Variants in NAV2 observed in about 807,000 individuals in gnomAD.
NAV2 encodes the protein helicase, APC down-regulated 1.
NAV2 carries 54 observed loss-of-function variants against 223.2 expected under a neutral mutation model. The ratio of observed to expected loss-of-function variants is 0.24; its 90% CI spans 0.19 to 0.30. NAV2 has a LOEUF of 0.30. NAV2 is among the 10% of genes least tolerant of loss of function. The pLI, the probability that NAV2 is intolerant of heterozygous loss-of-function variation, is 1.00. For missense variants in NAV2, 2,806 were observed against 3,147.5 expected, an observed-to-expected ratio of 0.89 and a Z score of 2.60; for synonymous variants, 1,279 against 1,239.3, an observed-to-expected ratio of 1.03 and a Z score of -0.67.
chr11:19,668,225 C>T (rs148465265), intron 1 of NAV2, among the ~76,000 whole-genome samples: 7 of 152,248 alleles, frequency 4.6e-5, no homozygotes, highest in Admixed American at 3.3e-4. Context: ...GAAACATTGT[C>T]GCCATCAATT....
At chr11:19,690,229 T>TG (rs1256890934) in intron 1 of NAV2, among the ~76,000 whole-genome samples, 5 of 152,220 alleles carry the variant, frequency 3.3e-5, no homozygotes, top group Admixed American at 1.3e-4. Flanking sequence ...CCCAAAGTGC[T>TG]GGAATTACAG....
chr11:19,523,014 A>G (rs1023133704), intron 1 of NAV2, among the ~76,000 whole-genome samples: 3 of 152,112 alleles, frequency 2.0e-5, no homozygotes, highest in African/African-American at 7.2e-5. Context: ...TAAGCACTCG[A>G]CTCATTATCT....
intron 1 of NAV2, among the ~76,000 whole-genome samples, chr11:19,492,266 AC>A (rs2042654977): frequency 6.6e-6 from 1 of 151,888 alleles, no homozygotes; most frequent in Non-Finnish European, 1.5e-5. Context: ...GGTTGCCACA[AC>A]CTTTCAATTT....
intron 6 of NAV2, among the ~76,000 whole-genome samples, chr11:19,919,637 T>A (rs1443119): frequency 2.6e-5 from 4 of 152,224 alleles, no homozygotes; most frequent in Admixed American, 2.6e-4. Context: ...GGTCCCATCT[T>A]GCTTATGAAA....
At chr11:19,795,154 A>T (rs961637390) in intron 1 of NAV2, among the ~76,000 whole-genome samples, 1 of 152,176 alleles carries the variant, frequency 6.6e-6, no homozygotes, top group African/African-American at 2.4e-5. Context: ...GTAAGACCAA[A>T]CTATTCCCAA....
rs370994356 is a variant in NAV2 at position 20,051,340 on chromosome 11, G to A, written c.4481+7G>A. ...TGCCTAAGAAAGGACTCAGGTATCT[G>A]TGTTTCCTCCTTGCATCTGTGCCAT... On this transcript the variant is annotated splice_region_variant and intron_variant, in intron 17 of 37. Coordinates refer to ENST00000349880, the MANE Select transcript of NAV2 (RefSeq NM_145117.5). 3.7e-6 allele frequency: 6 copies of A among 1,613,800 alleles called. No homozygotes were observed. The African/African-American group carries it at 5.3e-5, about 14-fold the overall frequency.
At chr11:19,458,891 A>G (rs1228179179) in intron 1 of NAV2, among the ~76,000 whole-genome samples, 1 of 152,214 alleles carries the variant, frequency 6.6e-6, no homozygotes, top group East Asian at 1.9e-4. Flanking sequence ...TCAAATCCCA[A>G]TCTGCCACCA....
At chr11:20,081,700 A>C (rs76017740) in intron 25 of NAV2, among the ~76,000 whole-genome samples, 2,141 of 152,310 alleles carry the variant, frequency 0.014, 70 homozygotes, top group African/African-American at 0.044. Context: ...GGTTTATTAT[A>C]GATGAAACCT....
chr11:19,688,825 T>C (rs2049091230), intron 1 of NAV2, among the ~76,000 whole-genome samples: 2 of 152,196 alleles, frequency 1.3e-5, no homozygotes, highest in South Asian at 4.2e-4. Context: ...AGGCATGGTA[T>C]GCCGCAGTTA....
At chr11:19,651,561 G>A (rs2047968643) in intron 1 of NAV2, among the ~76,000 whole-genome samples, 1 of 152,162 alleles carries the variant, frequency 6.6e-6, no homozygotes, top group African/African-American at 2.4e-5. Context: ...TTACCTAGAG[G>A]TCAAGATTCC....
At chr11:19,777,103 C>A (rs1248950161) in intron 1 of NAV2, among the ~76,000 whole-genome samples, 1 of 150,632 alleles carries the variant, frequency 6.6e-6, no homozygotes, top group Non-Finnish European at 1.5e-5. Flanking sequence ...ACCCCCCCCC[C>A]CACCCCGCCC....
chr11:20,050,140 A>T (rs1487987149), intron 16 of NAV2, among the ~76,000 whole-genome samples: 1 of 151,796 alleles, frequency 6.6e-6, no homozygotes, highest in Non-Finnish European at 1.5e-5. Flanking sequence ...GCGACCTTAA[A>T]CCCTGCCACT....
chr11:19,555,426 G>T (rs2044848745), intron 1 of NAV2, among the ~76,000 whole-genome samples: 1 of 151,234 alleles, frequency 6.6e-6, no homozygotes, highest in South Asian at 2.1e-4. Context: ...TAAACCAACA[G>T]CAGCCAACAC....
chr11:19,793,326 G>A (rs959014198), intron 1 of NAV2, among the ~76,000 whole-genome samples: 2 of 151,644 alleles, frequency 1.3e-5, no homozygotes, highest in African/African-American at 2.4e-5. Context: ...GTTTGAAGAT[G>A]TCTTTTGTTT....
At chr11:19,661,951 A>G (rs896650799) in intron 1 of NAV2, among the ~76,000 whole-genome samples, 6 of 152,192 alleles carry the variant, frequency 3.9e-5, no homozygotes, top group Non-Finnish European at 8.8e-5. Flanking sequence ...AGCAAGTCAC[A>G]TTTGATGTAT....
chr11:19,722,682 A>G (rs752190653), intron 1 of NAV2, among the ~76,000 whole-genome samples: 7 of 152,370 alleles, frequency 4.6e-5, no homozygotes, highest in Non-Finnish European at 1.0e-4. Flanking sequence ...AAAGAAGGGT[A>G]AGGGGAGATA....
chr11:20,083,683 G>C (rs1224469575), intron 26 of NAV2, among the ~76,000 whole-genome samples: 1 of 152,134 alleles, frequency 6.6e-6, no homozygotes, highest in African/African-American at 2.4e-5. Flanking sequence ...GGGAGAAGAG[G>C]GAAGTCATGG....
intron 12 of NAV2, among the ~76,000 whole-genome samples, chr11:20,042,691 G>A (rs921566060): frequency 1.3e-5 from 2 of 152,028 alleles, no homozygotes; most frequent in Admixed American, 1.3e-4. Flanking sequence ...GATGACAGGC[G>A]TTAGGCAGAT....
At chr11:19,643,218 C>G (rs111359865) in intron 1 of NAV2, among the ~76,000 whole-genome samples, 5,004 of 151,976 alleles carry the variant, frequency 0.033, 187 homozygotes, top group African/African-American at 0.094. Context: ...ACAACGTGCA[C>G]GTTTGTTACA....
Sources: allele counts gnomAD v4.1 joint callset (sites outside exome capture counted in the v4.1 genomes callset), GRCh38; gene constraint gnomAD v4.1.1; transcripts MANE v1.5; gene names NCBI Gene and HGNC (gene_info 2026-07-23, HGNC 2026-07-21).